The following DCDC1 variants were observed in gnomAD, a reference collection of about 807,000 sequenced individuals.
DCDC1 encodes doublecortin domain-containing protein 1.
Under a neutral mutation model 178.3 loss-of-function variants are expected in DCDC1, and 200 were observed. The ratio of observed to expected loss-of-function variants is 1.12; its 90% CI spans 1.00 to 1.26. The LOEUF is 1.26. Among genes scored for constraint, DCDC1 ranks in the 50% most tolerant of loss-of-function variants. The probability of loss-of-function intolerance (pLI) is 0.00; values close to 1 mark genes in which losing one functional copy is unlikely to be tolerated. For synonymous variants in DCDC1, 690 were observed against 604.8 expected (o/e 1.14, Z -2.07); for missense variants, 1,983 against 1,749.2 (o/e 1.13, Z -2.38).
At chr11:31,347,961 G>T (rs1190551243) in intron 1 of DCDC1, among the ~76,000 whole-genome samples, 2 of 152,090 alleles carry the variant, frequency 1.3e-5, no homozygotes, top group Non-Finnish European at 2.9e-5. Context: ...ATCATAAATT[G>T]TTTTTCCTTT....
intron 1 of DCDC1, among the ~76,000 whole-genome samples, chr11:31,345,681 T>A (rs557124089): frequency 6.6e-6 from 1 of 152,314 alleles, no homozygotes; most frequent in South Asian, 2.1e-4. Flanking sequence ...ATTCTCATCA[T>A]TCGTCTTTGG....
At chr11:31,138,978 T>C (rs1260131737) in intron 9 of DCDC1, among the ~76,000 whole-genome samples, 3 of 151,412 alleles carry the variant, frequency 2.0e-5, no homozygotes, top group Admixed American at 6.6e-5. Context: ...AGATAAGGAG[T>C]TGGGAAATGT....
chr11:30,982,937 A>C (rs1331814350), intron 20 of DCDC1, among the ~76,000 whole-genome samples: 1 of 152,272 alleles, frequency 6.6e-6, no homozygotes, highest in East Asian at 1.9e-4. Context: ...TTTTTATGCA[A>C]ATAAGGGCCC....
chr11:31,110,502 G>T, intron 11 of DCDC1, 141 bp from the exon 12 acceptor site: 1 of 545,920 alleles, frequency 1.8e-6, no homozygotes, highest in Non-Finnish European at 3.3e-6. Flanking sequence ...TGGGAATTGT[G>T]CAAAGCAAGG....
intron 9 of DCDC1, among the ~76,000 whole-genome samples, chr11:31,159,723 C>G (rs1404616986): frequency 1.3e-5 from 2 of 152,092 alleles, no homozygotes; most frequent in African/African-American, 4.8e-5. Context: ...ATACAGGCAA[C>G]TTGACAAATG....
At chr11:30,970,821 A>G (rs1250569497) in intron 20 of DCDC1, among the ~76,000 whole-genome samples, 1 of 152,160 alleles carries the variant, frequency 6.6e-6, no homozygotes, top group African/African-American at 2.4e-5. Context: ...TGCCTACCAC[A>G]GCCAGCATCT....
At chr11:31,227,226 G>A (rs1975098810) in intron 9 of DCDC1, among the ~76,000 whole-genome samples, 2 of 152,140 alleles carry the variant, frequency 1.3e-5, no homozygotes, top group South Asian at 4.1e-4. Context: ...CAGTTCTGTA[G>A]ACTGTACAAG....
intron 9 of DCDC1, among the ~76,000 whole-genome samples, chr11:31,239,094 T>A (rs570928718): frequency 6.6e-6 from 1 of 152,176 alleles, no homozygotes; most frequent in South Asian, 2.1e-4. Flanking sequence ...TTATATGTGG[T>A]CTCAAAAGTG....
chr11:31,334,794 C>T (rs1052014239), intron 2 of DCDC1, among the ~76,000 whole-genome samples: 5 of 152,216 alleles, frequency 3.3e-5, no homozygotes, highest in Non-Finnish European at 5.9e-5. Flanking sequence ...GAGGGGTACC[C>T]GCCTATATGA....
intron 9 of DCDC1, among the ~76,000 whole-genome samples, chr11:31,174,892 T>C (rs1003210980): frequency 2.0e-5 from 3 of 152,176 alleles, no homozygotes; most frequent in Non-Finnish European, 4.4e-5. Flanking sequence ...CCTCTTCGTC[T>C]TGCTCACCCT....
chr11:30,980,802 TCCTAG>T (rs1441615594), intron 20 of DCDC1, among the ~76,000 whole-genome samples: 1 of 152,092 alleles, frequency 6.6e-6, no homozygotes, highest in Non-Finnish European at 1.5e-5. Flanking sequence ...TAGGGGCCTC[TCCTAG>T]AAGAACTAAA....
intron 38 of DCDC1, among the ~76,000 whole-genome samples, chr11:30,869,977 G>C (rs944427274): frequency 3.9e-5 from 6 of 152,154 alleles, no homozygotes; most frequent in Non-Finnish European, 8.8e-5. Flanking sequence ...GGCTCTGGGG[G>C]TGGGGGTGTG....
chr11:30,906,755 T>C (rs1302881156), intron 29 of DCDC1, 30 bp from the exon 30 acceptor site: 5 of 1,584,090 alleles, frequency 3.2e-6, no homozygotes, highest in African/African-American at 1.3e-5. Context: ...TGGCTTTATA[T>C]AGGAGCATCT....
intron 20 of DCDC1, among the ~76,000 whole-genome samples, chr11:31,029,899 G>T (rs1447936920): frequency 6.6e-6 from 1 of 151,850 alleles, no homozygotes; most frequent in African/African-American, 2.4e-5. Flanking sequence ...TCCATAATAG[G>T]AATTTTATTT....
chr11:31,238,695 G>A (rs918405550), intron 9 of DCDC1, among the ~76,000 whole-genome samples: 2 of 152,056 alleles, frequency 1.3e-5, no homozygotes, highest in Admixed American at 6.6e-5. Flanking sequence ...ATAGGAATGC[G>A]TTTATGCAAT....
chr11:31,286,132 G>C (rs1946808874), intron 7 of DCDC1, among the ~76,000 whole-genome samples: 2 of 152,098 alleles, frequency 1.3e-5, no homozygotes, highest in Non-Finnish European at 2.9e-5. Context: ...ATCATCTGGA[G>C]ACATTTGTTG....
chr11:30,943,084 T>A (rs1203635836), intron 21 of DCDC1: 1 of 152,142 alleles, frequency 6.6e-6, no homozygotes, highest in Non-Finnish European at 1.5e-5. Context: ...TATGTTCCCA[T>A]GCATGTCTTT....
At chr11:30,916,772 C>A in intron 26 of DCDC1, 98 bp downstream of exon 26, 1 of 1,282,304 alleles carries the variant, frequency 7.8e-7, no homozygotes, top group South Asian at 2.3e-5. Flanking sequence ...GAAACAGCAG[C>A]TAACAGCAGT....
At chr11:31,279,311 C>T (rs887012853) in intron 7 of DCDC1, among the ~76,000 whole-genome samples, 15 of 151,844 alleles carry the variant, frequency 9.9e-5, no homozygotes, top group Admixed American at 3.9e-4. Context: ...GCACTATTCC[C>T]GATCACAAAT....
Sources: allele counts gnomAD v4.1 joint callset (sites outside exome capture counted in the v4.1 genomes callset), GRCh38; gene constraint gnomAD v4.1.1; transcripts MANE v1.5; gene names NCBI Gene and HGNC (gene_info 2026-07-23, HGNC 2026-07-21).